Variants in OTOGL observed in about 807,000 individuals in gnomAD.
The protein encoded by OTOGL is otogelin like.
In OTOGL, 285 loss-of-function variants were observed where a neutral mutation model predicts 318.5. The ratio of observed to expected loss-of-function variants is 0.89; its 90% CI spans 0.81 to 0.99. The LOEUF is 0.99. Ranked by LOEUF, OTOGL falls within the 50% of genes least tolerant of loss-of-function variation. The pLI is 0.00. For synonymous variants in OTOGL, 987 were observed against 936.5 expected, an observed-to-expected ratio of 1.05 and a Z score of -0.99; for missense variants, 2,899 against 2,845.6, an observed-to-expected ratio of 1.02 and a Z score of -0.43.
At chr12:80,129,479 A>C (rs1429962436) in intron 1 of OTOGL, among the ~76,000 whole-genome samples, 1 of 152,208 alleles carries the variant, frequency 6.6e-6, no homozygotes, top group Non-Finnish European at 1.5e-5. Context: ...TCTCTTTTAC[A>C]ATAAGTTGGC....
intron 30 of OTOGL, among the ~76,000 whole-genome samples, chr12:80,311,586 T>C (rs1565975666): frequency 6.9e-6 from 1 of 144,772 alleles, no homozygotes; most frequent in African/African-American, 2.9e-5. Context: ...TTTCTATTTT[T>C]AGTAGAGACC....
At chr12:80,290,787 T>C (rs1884992352) in intron 26 of OTOGL, among the ~76,000 whole-genome samples, 1 of 152,218 alleles carries the variant, frequency 6.6e-6, no homozygotes, top group Admixed American at 6.5e-5. Flanking sequence ...TATTATTTCA[T>C]TCATTTAATA....
chr12:80,239,299 CAT>C lies in OTOGL; in HGVS notation c.946-32_946-31del, dbSNP rs750305517. 10 of 1,441,460 alleles carry C rather than the reference CAT, an allele frequency of 6.9e-6. No homozygotes were observed. The Admixed American group carries it at 1.9e-4, about 27-fold the overall frequency. The allele number at this position is 1,441,460 out of a possible 1,614,324, so 89.3% of individuals were successfully genotyped here. On this transcript the variant is annotated intron_variant, in intron 10 of 58. Transcript: ENST00000547103. ...AGAAGACTATACACATACCATGAAA[CAT>C]AGTCTAGTGACTGCCATCTTTTTTT...
Position 80,302,781 on chromosome 12 carries a change from AAGGT to A in OTOGL, c.3213+3_3213+6del. 1 of 1,488,496 alleles carries A rather than the reference AAGGT, an allele frequency of 6.7e-7. No homozygotes were observed. Among genetic ancestry groups the A allele is most frequent in the Non-Finnish European group, 8.9e-7 (1 of 1,126,656 alleles). 92.2% of individuals were successfully genotyped at this position (1,488,496 alleles called of 1,614,324 possible). A position where few individuals can be genotyped will look rare whatever the true frequency, so the allele number is the denominator to read the frequency against. The stretch of plus-strand genomic sequence containing the variant: ...TCATATCAAAGTTGGGCCACAGTGG[AAGGT>A]AGGTCAACCTAAGCTCCAAATGAGA... On this transcript the variant is annotated splice_donor_variant and coding_sequence_variant, in exon 28 of 59. Transcript: ENST00000547103. LOFTEE classifies it high-confidence loss of function.
At chr12:80,202,987 G>C (rs1330593464) in intron 1 of OTOGL, among the ~76,000 whole-genome samples, 2 of 152,174 alleles carry the variant, frequency 1.3e-5, no homozygotes, top group African/African-American at 4.8e-5. Flanking sequence ...CTTTATCCCT[G>C]TGATTTACAT....
chr12:80,323,556 C>T (rs139053800), intron 34 of OTOGL, among the ~76,000 whole-genome samples, 167 bp from the exon 35 acceptor site: 16 of 152,184 alleles, frequency 1.1e-4, no homozygotes, highest in African/African-American at 2.6e-4. Flanking sequence ...GGCTGAGGCA[C>T]GACAGTCACT....
chr12:80,125,616 C>G (rs372582830), intron 1 of OTOGL, among the ~76,000 whole-genome samples: 1 of 152,162 alleles, frequency 6.6e-6, no homozygotes, highest in African/African-American at 2.4e-5. Context: ...AGGAATGGTA[C>G]CAGCTCCTCC....
intron 1 of OTOGL, among the ~76,000 whole-genome samples, chr12:80,130,202 G>A (rs1364218887): frequency 2.0e-5 from 3 of 152,020 alleles, no homozygotes; most frequent in African/African-American, 4.8e-5. Flanking sequence ...ATTCCATCAT[G>A]CCCTGTGTTT....
intron 1 of OTOGL, among the ~76,000 whole-genome samples, chr12:80,120,313 A>T (rs1870413314): frequency 6.6e-6 from 1 of 152,160 alleles, no homozygotes; most frequent in South Asian, 2.1e-4. Flanking sequence ...TAGAGTTTCT[A>T]AGTATGCCAG....
intron 1 of OTOGL, among the ~76,000 whole-genome samples, chr12:80,161,859 G>A (rs910113035): frequency 1.3e-5 from 2 of 152,128 alleles, no homozygotes; most frequent in Non-Finnish European, 2.9e-5. Flanking sequence ...TGTGAGAAAA[G>A]CGTTTCCAAG....
intron 29 of OTOGL, among the ~76,000 whole-genome samples, chr12:80,308,740 G>A (rs1343941981): frequency 2.6e-5 from 4 of 152,220 alleles, no homozygotes; most frequent in African/African-American, 7.2e-5. Context: ...CGAGGCTGGC[G>A]GATCACTCGC....
chr12:80,176,067 A>G (rs1874504553), intron 1 of OTOGL, among the ~76,000 whole-genome samples: 1 of 152,186 alleles, frequency 6.6e-6, no homozygotes, highest in South Asian at 2.1e-4. Context: ...TAGGAGTCTC[A>G]GTTTTCTACT....
chr12:80,113,213 G>A (rs1239320856), intron 1 of OTOGL, among the ~76,000 whole-genome samples: 5 of 152,046 alleles, frequency 3.3e-5, no homozygotes, highest in Admixed American at 2.6e-4. Flanking sequence ...TCTGGGATTC[G>A]ATTGATTTTT....
chr12:80,252,044 T>C (rs1565930424), intron 12 of OTOGL, 32 bp from the exon 13 acceptor site: 7 of 1,468,672 alleles, frequency 4.8e-6, no homozygotes, highest in Admixed American at 5.4e-5. Context: ...GCTAATAAAA[T>C]TGACTTAAGC....
intron 1 of OTOGL, among the ~76,000 whole-genome samples, chr12:80,191,612 C>T (rs892071495): frequency 1.3e-5 from 2 of 152,184 alleles, no homozygotes; most frequent in African/African-American, 2.4e-5. Flanking sequence ...TGTTATTTGT[C>T]CTTTAAAATA....
At chr12:80,107,862 C>G (rs779369972) in intron 1 of OTOGL, among the ~76,000 whole-genome samples, 1 of 151,988 alleles carries the variant, frequency 6.6e-6, no homozygotes, top group Non-Finnish European at 1.5e-5. Context: ...AACCAAATAC[C>G]ACATGTTCTC....
chr12:80,219,911 C>T lies in OTOGL; in HGVS notation c.333C>T (p.Ile111=). The change falls in exon 6 of 59, where the codon ATC becomes ATT. Residue 111 remains isoleucine, a splice_region_variant and synonymous_variant. Coordinates refer to ENST00000547103, the MANE Select transcript of OTOGL (RefSeq NM_001378609.3). ...AGGCTCTTGGGACAAGATGCCAGAT[C>T]AGTAAGTTTCAGGGATGCTTGTGAG... is the stretch of plus-strand genomic sequence containing the variant. The part of the protein sequence containing the change: ...IFQALGTRCQ[I]IPNMGNGRDG... 1 of 1,544,460 alleles carries T rather than the reference C, an allele frequency of 6.5e-7. No individual in the cohort carries two copies. Among genetic ancestry groups the T allele is most frequent in the Admixed American group, 1.7e-5 (1 of 59,032 alleles).
chr12:80,360,726 C>T (rs971329221), intron 52 of OTOGL, among the ~76,000 whole-genome samples: 5 of 151,918 alleles, frequency 3.3e-5, no homozygotes, highest in African/African-American at 9.7e-5. Context: ...GTGATCTGCT[C>T]GCCTTGGACT....
chr12:80,137,780 G>C (rs115999857), intron 1 of OTOGL, among the ~76,000 whole-genome samples: 1 of 152,058 alleles, frequency 6.6e-6, no homozygotes, highest in Non-Finnish European at 1.5e-5. Flanking sequence ...AACCAGTCTT[G>C]GGGAACATAA....
Sources: allele counts gnomAD v4.1 joint callset (sites outside exome capture counted in the v4.1 genomes callset), GRCh38; gene constraint gnomAD v4.1.1; transcripts MANE v1.5; gene names NCBI Gene and HGNC (gene_info 2026-07-23, HGNC 2026-07-21).